Variants in SIK2 observed in about 807,000 individuals in gnomAD.
The protein encoded by SIK2 is serine/threonine-protein kinase SIK2.
Under a neutral mutation model 103.2 loss-of-function variants are expected in SIK2, and 29 were observed. The observed-to-expected ratio is 0.28, with a 90% CI of 0.21 to 0.38. The LOEUF is 0.38. Ranked by LOEUF, SIK2 falls within the 10% of genes least tolerant of loss-of-function variation. The pLI is 1.00. For missense variants in SIK2, 879 were observed against 1,171.0 expected, an observed-to-expected ratio of 0.75 and a Z score of 3.64; for synonymous variants, 412 against 446.1, an observed-to-expected ratio of 0.92 and a Z score of 0.96.
chr11:111,653,700 G>A (rs751056580), intron 3 of SIK2, among the ~76,000 whole-genome samples: 2 of 152,184 alleles, frequency 1.3e-5, no homozygotes, highest in African/African-American at 2.4e-5. Flanking sequence ...GCACCAGGAC[G>A]GAGATTTATG....
intron 4 of SIK2, among the ~76,000 whole-genome samples, chr11:111,698,712 A>G (rs1943138983): frequency 6.6e-6 from 1 of 152,248 alleles, no homozygotes; most frequent in South Asian, 2.1e-4. Context: ...CCCTATCTCA[A>G]AAAAGAAAAG....
intron 3 of SIK2, among the ~76,000 whole-genome samples, chr11:111,622,182 C>T (rs1452692384): frequency 6.6e-6 from 1 of 150,614 alleles, no homozygotes; most frequent in African/African-American, 2.4e-5. Flanking sequence ...ACCATTTCTG[C>T]ATTCATATGT....
rs1943872544 is a variant in SIK2 at position 111,723,684 on chromosome 11, A to G, written c.2336A>G (p.Glu779Gly). 6.2e-7 allele frequency: 1 copy of G among 1,613,852 alleles called. No homozygotes were observed. Among genetic ancestry groups the G allele is most frequent in the South Asian group, 1.1e-5 (1 of 90,916 alleles). ...SLTQPLSPVL[E>G]PSSEQMQYSP... is the part of the protein sequence containing the mutation. Reference sequence around the variant, plus strand: ...ACCCAGCCCCTGAGCCCCGTCCTGGAGCCTTCCTCCGAGCAGATGCAATAC... The same window carrying G: ...ACCCAGCCCCTGAGCCCCGTCCTGGGGCCTTCCTCCGAGCAGATGCAATAC... Residue 779 changes from glutamate to glycine, a missense_variant, in exon 15 of 15, where the codon GAG becomes GGG. By Grantham distance (98) the Glu-to-Gly change is moderately conservative. Coordinates refer to ENST00000304987, the MANE Select transcript of SIK2 (RefSeq NM_015191.3).
intron 4 of SIK2, among the ~76,000 whole-genome samples, chr11:111,697,161 G>T (rs952171434): frequency 2.2e-4 from 33 of 152,220 alleles, no homozygotes; most frequent in African/African-American, 7.7e-4. Context: ...GTAGCTAGCT[G>T]TATAACCTCT....
Position 111,723,625 on chromosome 11 carries a change from A to G in SIK2, c.2277A>G (p.Pro759=), listed in dbSNP as rs1159409484. 6.2e-7 allele frequency: 1 copy of G among 1,613,394 alleles called. No individual in the cohort carries two copies. Among genetic ancestry groups the G allele is most frequent in the African/African-American group, 1.3e-5 (1 of 74,852 alleles). ...TGCCCCTTCCCCGCCAGGAGACTCC[A>G]CCGCCTTCTCAGCAGGCCCCACCGT... The part of the protein sequence containing the change: ...QQLPLPRQET[P]PPSQQAPPFS... Residue 759 remains proline, a synonymous_variant, in exon 15 of 15, where the codon CCA becomes CCG. Transcript: ENST00000304987.
chr11:111,663,232 CA>C (rs34283287), intron 3 of SIK2, among the ~76,000 whole-genome samples: 88,665 of 141,592 alleles, frequency 0.63, 29,107 homozygotes, highest in East Asian at 0.95. Context: ...GACCCTATTT[CA>C]AAAAAAAAAA....
At chr11:111,622,247 C>CTTTTT (rs71057079) in intron 3 of SIK2, among the ~76,000 whole-genome samples, 20 of 61,456 alleles carry the variant, frequency 3.3e-4, no homozygotes, top group African/African-American at 1.4e-3. Flanking sequence ...ATTTTCTTTT[C>CTTTTT]TTTTTTTTTT....
intron 3 of SIK2, among the ~76,000 whole-genome samples, chr11:111,652,796 G>A (rs1942344021): frequency 6.6e-6 from 1 of 152,018 alleles, no homozygotes; most frequent in South Asian, 2.1e-4. Flanking sequence ...ATGAGGAAAG[G>A]GAGACTCAAA....
intron 4 of SIK2, among the ~76,000 whole-genome samples, chr11:111,689,396 G>A (rs1228488845): frequency 2.0e-5 from 3 of 152,154 alleles, no homozygotes; most frequent in Non-Finnish European, 2.9e-5. Context: ...TGTGGGTGAG[G>A]TGGAAGACAG....
chr11:111,614,196 C>G (rs937889820), intron 1 of SIK2, among the ~76,000 whole-genome samples: 1 of 151,964 alleles, frequency 6.6e-6, no homozygotes, highest in Non-Finnish European at 1.5e-5. Flanking sequence ...ATTCTCCTGC[C>G]TCAGTCTCCC....
At chr11:111,621,324 T>C (rs1170649373) in intron 3 of SIK2, among the ~76,000 whole-genome samples, 1 of 152,238 alleles carries the variant, frequency 6.6e-6, no homozygotes. Context: ...TTATACAGGA[T>C]ATACTCAAAT....
chr11:111,712,273 C>T lies in SIK2; in HGVS notation c.1164C>T (p.Ala388=). The T allele has an allele frequency of 6.2e-7, 1 of 1,614,214 alleles. No homozygotes were observed. Among genetic ancestry groups the T allele is most frequent in the South Asian group, 1.1e-5 (1 of 91,084 alleles). ...HSPNMRLLRS[A]LLPQASNVEA... ...CGAACATGAGGCTGCTGCGATCTGC[C>T]CTCCTCCCCCAGGCATCCAACGTGG... Residue 388 remains alanine (A), a synonymous_variant, in exon 9 of 15, where the codon GCC becomes GCT. Coordinates refer to ENST00000304987, the MANE Select transcript of SIK2 (RefSeq NM_015191.3).
At chr11:111,624,657 C>T (rs1217382853) in intron 3 of SIK2, among the ~76,000 whole-genome samples, 1 of 152,176 alleles carries the variant, frequency 6.6e-6, no homozygotes, top group Non-Finnish European at 1.5e-5. Context: ...AGACAAAAAT[C>T]TCTACTCTTT....
intron 1 of SIK2, among the ~76,000 whole-genome samples, chr11:111,606,257 G>A (rs12289714): frequency 0.035 from 5,291 of 151,808 alleles, 303 homozygotes; most frequent in African/African-American, 0.12. Flanking sequence ...TTTCTTTCTT[G>A]TTGCTTTCAG....
chr11:111,667,517 GGTCTCACT>G (rs1380541391), intron 3 of SIK2, among the ~76,000 whole-genome samples: 9 of 142,602 alleles, frequency 6.3e-5, no homozygotes, highest in African/African-American at 2.3e-4. Context: ...TTTGAGTCAG[GGTCTCACT>G]CTGTCGCCCA....
intron 3 of SIK2, among the ~76,000 whole-genome samples, chr11:111,646,251 A>T (rs1304498107): frequency 6.6e-6 from 1 of 152,072 alleles, no homozygotes; most frequent in Non-Finnish European, 1.5e-5. Context: ...GGAGTTTGAG[A>T]CCAGCCTGAC....
intron 10 of SIK2, among the ~76,000 whole-genome samples, 192 bp downstream of exon 10, chr11:111,720,195 G>A (rs1591647369): frequency 6.6e-6 from 1 of 152,190 alleles, no homozygotes; most frequent in Admixed American, 6.5e-5. Context: ...ATGTCTCTGA[G>A]TTGGCTCCCA....
chr11:111,615,061 C>T (rs1341508808), intron 1 of SIK2, among the ~76,000 whole-genome samples: 3 of 151,894 alleles, frequency 2.0e-5, no homozygotes, highest in Non-Finnish European at 4.4e-5. Context: ...ATCACTTGAA[C>T]CCAGGAGGCG....
At chr11:111,612,463 T>A (rs1941739646) in intron 1 of SIK2, among the ~76,000 whole-genome samples, 1 of 152,186 alleles carries the variant, frequency 6.6e-6, no homozygotes, top group Non-Finnish European at 1.5e-5. Context: ...AAAACTCTGC[T>A]GTTTCCTCTT....
Sources: gnomAD v4.1 joint callset for allele counts (sites outside exome capture counted in the v4.1 genomes callset) on GRCh38, gnomAD v4.1.1 for gene constraint, MANE v1.5 for transcripts, NCBI Gene and HGNC (gene_info 2026-07-23, HGNC 2026-07-21) for gene names.